Variants in CCDC148 observed in about 807,000 individuals in gnomAD.
The protein encoded by CCDC148 is coiled-coil domain containing 148.
A neutral mutation model predicts 85.7 loss-of-function variants in CCDC148; 89 were observed. That is an observed-to-expected ratio of 1.04 (90% confidence interval 0.87 to 1.24). CCDC148 has a LOEUF of 1.24. CCDC148 is among the 50% of genes most tolerant of loss of function. The pLI is 0.00. For missense variants in CCDC148, 692 were observed against 671.7 expected, an observed-to-expected ratio of 1.03 and a Z score of -0.33; for synonymous variants, 230 against 213.9, an observed-to-expected ratio of 1.08 and a Z score of -0.66.
Position 158,438,833 on chromosome 2 carries a change from C to G in CCDC148, c.25+17582G>C, listed in dbSNP as rs554702183. On this transcript the variant is annotated intron_variant, in intron 1 of 13. Transcript: ENST00000283233. ...GGGCGAAGGATATGAACAGACACTT[C>G]TCAAAAGAAGACATTTATGCAGCCA... Among the ~76,000 whole-genome samples, 486 of 152,278 alleles carry G rather than the reference C, an allele frequency of 3.2e-3. 4 individuals are homozygous for G. The highest frequency in any genetic ancestry group is 0.011 in the African/African-American group (461 of 41,558).
intron 1 of CCDC148, among the ~76,000 whole-genome samples, chr2:158,435,647 A>G (rs1468956658): frequency 6.6e-6 from 1 of 152,184 alleles, no homozygotes; most frequent in African/African-American, 2.4e-5. Context: ...AAATGTAAAC[A>G]GGCTAAATGC....
chr2:158,405,825 G>A (rs192260734), intron 1 of CCDC148, among the ~76,000 whole-genome samples: 15 of 152,064 alleles, frequency 9.9e-5, no homozygotes, highest in Admixed American at 2.6e-4. Flanking sequence ...ATTGAATATT[G>A]TAATAGTTTA....
intron 1 of CCDC148, among the ~76,000 whole-genome samples, chr2:158,369,925 A>T (rs9288712): frequency 0.18 from 26,998 of 152,064 alleles, 3,934 homozygotes; most frequent in African/African-American, 0.4. Context: ...TCTATTGAGA[A>T]AATCATCTGG....
chr2:158,286,927 G>A lies in CCDC148; in HGVS notation c.1110+22506C>T, dbSNP rs186213554. 1.1e-4 allele frequency among the ~76,000 whole-genome samples: 17 copies of A among 152,252 alleles called. No homozygotes were observed. The East Asian group carries it at 2.5e-3, about 22-fold the overall frequency. ...CATGACTGTATTAGTCCGTTTTCAT[G>A]CTGCTGATAAAGGTATACCCAAGAC... On this transcript the variant is annotated intron_variant, in intron 9 of 13. Coordinates refer to ENST00000283233, the MANE Select transcript of CCDC148 (RefSeq NM_138803.4).
At chr2:158,408,628 C>T (rs1686127003) in intron 1 of CCDC148, among the ~76,000 whole-genome samples, 1 of 151,964 alleles carries the variant, frequency 6.6e-6, no homozygotes, top group South Asian at 2.1e-4. Flanking sequence ...CATATATATA[C>T]ATACATATAT....
intron 1 of CCDC148, among the ~76,000 whole-genome samples, chr2:158,444,430 T>C (rs1165495569): frequency 6.6e-6 from 1 of 152,080 alleles, no homozygotes; most frequent in African/African-American, 2.4e-5. Context: ...ATTTAAGTAT[T>C]TGACTAATGA....
intron 9 of CCDC148, among the ~76,000 whole-genome samples, chr2:158,271,828 A>C (rs937926481): frequency 6.6e-6 from 1 of 152,152 alleles, no homozygotes; most frequent in Non-Finnish European, 1.5e-5. Context: ...GTGACTACTA[A>C]GTATTTTTAT....
At chr2:158,335,703 T>C (rs2105237507) in intron 7 of CCDC148, among the ~76,000 whole-genome samples, 1 of 152,170 alleles carries the variant, frequency 6.6e-6, no homozygotes, top group South Asian at 2.1e-4. Flanking sequence ...GCCCCACCCT[T>C]GACATGTGGG....
chr2:158,372,972 T>G (rs988059434), intron 1 of CCDC148, among the ~76,000 whole-genome samples: 1 of 152,040 alleles, frequency 6.6e-6, no homozygotes, highest in African/African-American at 2.4e-5. Flanking sequence ...TCAGAACTTA[T>G]GATTATGTGA....
chr2:158,396,917 A>G (rs1329216771), intron 1 of CCDC148, among the ~76,000 whole-genome samples: 1 of 152,054 alleles, frequency 6.6e-6, no homozygotes, highest in Non-Finnish European at 1.5e-5. Context: ...GCTTTCCTCA[A>G]TCTTATTTCT....
Position 158,420,762 on chromosome 2 carries a change from T to A in CCDC148, c.25+35653A>T, listed in dbSNP as rs184234852. On this transcript the variant is annotated intron_variant, in intron 1 of 13. Coordinates refer to ENST00000283233, the MANE Select transcript of CCDC148 (RefSeq NM_138803.4). ...ATATTAACCCTAAATGTAAATGGGC[T>A]AAATGCTTCAATTAAAATACACAGA... Among the ~76,000 whole-genome samples, 82 of 152,252 alleles carry A rather than the reference T, an allele frequency of 5.4e-4. No individual in the cohort carries two copies. The East Asian group carries it at 0.01, about 19-fold the overall frequency.
chr2:158,421,755 A>G (rs1466389779), intron 1 of CCDC148, among the ~76,000 whole-genome samples: 1 of 152,232 alleles, frequency 6.6e-6, no homozygotes, highest in Non-Finnish European at 1.5e-5. Flanking sequence ...GAACGTAAGG[A>G]GATAGAGACA....
At chr2:158,269,978 G>C (rs1353351229) in intron 9 of CCDC148, among the ~76,000 whole-genome samples, 4 of 152,190 alleles carry the variant, frequency 2.6e-5, no homozygotes, top group Non-Finnish European at 5.9e-5. Context: ...TCTCTGTAAG[G>C]AACACAAGTA....
intron 11 of CCDC148, among the ~76,000 whole-genome samples, chr2:158,191,311 C>G (rs1179019313): frequency 1.3e-5 from 2 of 151,996 alleles, no homozygotes; most frequent in African/African-American, 4.8e-5. Context: ...CTGTAGAAAG[C>G]AAACATCAAA....
intron 1 of CCDC148, among the ~76,000 whole-genome samples, chr2:158,438,151 G>C (rs1687754298): frequency 6.6e-6 from 1 of 152,058 alleles, no homozygotes; most frequent in Admixed American, 6.5e-5. Context: ...AACCAAAAAA[G>C]AGCCCGCGTT....
At chr2:158,448,505 G>T (rs1006455646) in intron 1 of CCDC148, among the ~76,000 whole-genome samples, 1 of 151,754 alleles carries the variant, frequency 6.6e-6, no homozygotes, top group Non-Finnish European at 1.5e-5. Flanking sequence ...GAGCCACCAT[G>T]CCTAATTTTT....
At chr2:158,318,549 T>C (rs1692384883) in intron 7 of CCDC148, among the ~76,000 whole-genome samples, 1 of 152,146 alleles carries the variant, frequency 6.6e-6, no homozygotes, top group Non-Finnish European at 1.5e-5. Flanking sequence ...GGAAGTTGCA[T>C]TTTCCAAATA....
intron 1 of CCDC148, chr2:158,424,873 G>A (rs72944443): frequency 5.2e-6 from 1 of 191,528 alleles, no homozygotes; most frequent in South Asian, 1.1e-4. Flanking sequence ...AGAAGATTTT[G>A]TTTTCTCACA....
intron 11 of CCDC148, among the ~76,000 whole-genome samples, chr2:158,197,423 T>TAC (rs1345494404): frequency 6.6e-6 from 1 of 152,174 alleles, no homozygotes; most frequent in Non-Finnish European, 1.5e-5. Context: ...TCTAATATCC[T>TAC]ACAAAGTTCT....
Sources: allele counts gnomAD v4.1 joint callset (sites outside exome capture counted in the v4.1 genomes callset), GRCh38; gene constraint gnomAD v4.1.1; transcripts MANE v1.5; gene names NCBI Gene and HGNC (gene_info 2026-07-23, HGNC 2026-07-21).